MYLK4: variants seen among roughly 807,000 people sequenced by gnomAD.
The protein encoded by MYLK4 is myosin light chain kinase family member 4.
In MYLK4, 46 loss-of-function variants were observed where a neutral mutation model predicts 48.1. The observed-to-expected ratio is 0.96, with a 90% confidence interval of 0.75 to 1.22. The LOEUF is 1.22. Among genes scored for constraint, MYLK4 ranks in the 50% most tolerant of loss-of-function variants. The pLI, the probability that MYLK4 is intolerant of heterozygous loss-of-function variation, is 0.00. For synonymous variants in MYLK4, 170 were observed against 180.8 expected, an observed-to-expected ratio of 0.94 and a Z score of 0.48; for missense variants, 451 against 486.1, an observed-to-expected ratio of 0.93 and a Z score of 0.68.
At chr6:2,669,443 A>G (rs1760794824) in intron 12 of MYLK4, among the ~76,000 whole-genome samples, 1 of 151,976 alleles carries the variant, frequency 6.6e-6, no homozygotes, top group Non-Finnish European at 1.5e-5. Flanking sequence ...CCCCCACCAG[A>G]CCCTGGCAGC....
intron 6 of MYLK4, among the ~76,000 whole-genome samples, chr6:2,683,506 G>A (rs1313928318): frequency 6.0e-5 from 9 of 150,802 alleles, no homozygotes; most frequent in Admixed American, 3.3e-4. Context: ...TGCAATCTCC[G>A]CCTCCCAGAT....
chr6:2,726,629 T>G, intron 2 of MYLK4, among the ~76,000 whole-genome samples: 1 of 57,884 alleles, frequency 1.7e-5, no homozygotes, highest in Admixed American at 1.8e-4. Context: ...TTTTTTTTTT[T>G]GAGACAGAGT....
chr6:2,711,932 A>G (rs1046692575), intron 2 of MYLK4, among the ~76,000 whole-genome samples: 1 of 152,240 alleles, frequency 6.6e-6, no homozygotes, highest in African/African-American at 2.4e-5. Context: ...TATCCTTGAC[A>G]AAAGGTGCTT....
At chr6:2,737,128 C>A (rs1367650393) in intron 2 of MYLK4, among the ~76,000 whole-genome samples, 1 of 152,186 alleles carries the variant, frequency 6.6e-6, no homozygotes, top group African/African-American at 2.4e-5. Context: ...TCCTGGCCAA[C>A]ATGGTGAAAC....
At chr6:2,701,554 A>G (rs900682586) in intron 2 of MYLK4, among the ~76,000 whole-genome samples, 1 of 152,246 alleles carries the variant, frequency 6.6e-6, no homozygotes, top group East Asian at 1.9e-4. Flanking sequence ...GTGACTTTTG[A>G]AAAGCTACCT....
At chr6:2,682,320 A>C (rs1418909830) in intron 7 of MYLK4, among the ~76,000 whole-genome samples, 1 of 152,124 alleles carries the variant, frequency 6.6e-6, no homozygotes, top group East Asian at 1.9e-4. Flanking sequence ...TAGGTCTTTT[A>C]TTGGTTGTAA....
chr6:2,689,015 G>T, intron 3 of MYLK4, 59 bp from the exon 4 acceptor site: 1 of 1,319,294 alleles, frequency 7.6e-7, no homozygotes, highest in Non-Finnish European at 1.1e-6. Context: ...CGTTAAGGCA[G>T]CAAGCCTGGG....
Position 2,673,147 on chromosome 6 carries a change from T to C in MYLK4, c.1120-1799A>G, listed in dbSNP as rs2113088761. On this transcript the variant is annotated intron_variant, in intron 11 of 12. Coordinates refer to ENST00000274643, the MANE Select transcript of MYLK4 (RefSeq NM_001012418.5). This position sits in a 1 kb window ranked among gnomAD's most constrained non-coding sequence, Gnocchi z 4.2. Reference sequence around the variant, plus strand: ...TTTTTAAACTGTACAATGTCATTAATTATCTGCTGTGGTTTCTATACTATC... The same window carrying C: ...TTTTTAAACTGTACAATGTCATTAACTATCTGCTGTGGTTTCTATACTATC... 6.6e-6 allele frequency among the ~76,000 whole-genome samples: 1 copy of C among 152,366 alleles called. No homozygotes were observed. Among genetic ancestry groups the C allele is most frequent in the East Asian group, 1.9e-4 (1 of 5,186 alleles).
At chr6:2,742,343 T>C (rs1389855950) in intron 2 of MYLK4, among the ~76,000 whole-genome samples, 1 of 152,164 alleles carries the variant, frequency 6.6e-6, no homozygotes, top group Non-Finnish European at 1.5e-5. Context: ...AAATAAGGCA[T>C]TTGACCCAGC....
intron 2 of MYLK4, among the ~76,000 whole-genome samples, chr6:2,742,859 A>T (rs993606324): frequency 6.6e-6 from 1 of 152,118 alleles, no homozygotes; most frequent in Non-Finnish European, 1.5e-5. Context: ...CCTAAAACTT[A>T]AAGTATAATA....
chr6:2,704,341 A>G lies in MYLK4; in HGVS notation c.160-11482T>C, dbSNP rs377506099. On this transcript the variant is annotated intron_variant, in intron 2 of 12. Coordinates refer to ENST00000274643, the MANE Select transcript of MYLK4 (RefSeq NM_001012418.5). ...GTACCTACAAGTCCCACGTCCATGC[A>G]GCGCAATCTGTTGTCCTGGACCTCT... Among the ~76,000 whole-genome samples, 7 of 152,320 alleles carry G rather than the reference A, an allele frequency of 4.6e-5. No homozygotes were observed. In the South Asian group the frequency reaches 1.5e-3, roughly 32 times the overall value.
rs931521557 is a variant in MYLK4, at chr6:2,672,822, C to T, written c.1120-1474G>A. 2.6e-5 allele frequency among the ~76,000 whole-genome samples: 4 copies of T among 152,118 alleles called. No individual in the cohort carries two copies. The highest frequency in any genetic ancestry group is 5.9e-5 in the Non-Finnish European group (4 of 68,024). ...GAGAGCAGAGCAGTGAGGCTCTGCC[C>T]GGACTCCAGAGCTCAGCCCTGTCCT... is the stretch of plus-strand genomic sequence containing the variant. On this transcript the variant is annotated intron_variant, in intron 11 of 12. Coordinates refer to ENST00000274643, the MANE Select transcript of MYLK4 (RefSeq NM_001012418.5). The surrounding 1 kb of genome is among the most constrained non-coding windows in gnomAD (Gnocchi z 4.3).
intron 2 of MYLK4, among the ~76,000 whole-genome samples, chr6:2,694,496 G>GATGGTGGTGGTGGCGGCGGTGGCAGTA (rs1761946095): frequency 2.4e-5 from 1 of 41,602 alleles, no homozygotes; most frequent in Non-Finnish European, 5.3e-5. Context: ...TGGTCATGGT[G>GATGGTGGTGGTGGCGGCGGTGGCAGTA]GTGGTGGTGG....
intron 2 of MYLK4, among the ~76,000 whole-genome samples, chr6:2,706,365 GA>G (rs200931340): frequency 6.7e-6 from 1 of 150,312 alleles, no homozygotes; most frequent in East Asian, 1.9e-4. Flanking sequence ...TTTTTTTCCA[GA>G]AAAAAAACCC....
At chr6:2,731,775 C>T (rs564049937) in intron 2 of MYLK4, among the ~76,000 whole-genome samples, 16 of 152,330 alleles carry the variant, frequency 1.1e-4, no homozygotes, top group Admixed American at 2.0e-4. Flanking sequence ...TGAATCAATG[C>T]TATTTTCTGT....
At chr6:2,703,857 G>C (rs1165902584) in intron 2 of MYLK4, among the ~76,000 whole-genome samples, 1 of 151,868 alleles carries the variant, frequency 6.6e-6, no homozygotes, top group African/African-American at 2.4e-5. Flanking sequence ...TTTTAGTAGC[G>C]ATGGGGTTTC....
chr6:2,691,090 A>C (rs993853770), intron 3 of MYLK4, among the ~76,000 whole-genome samples: 3 of 152,132 alleles, frequency 2.0e-5, no homozygotes, highest in African/African-American at 7.2e-5. Flanking sequence ...TCAGCCTCCT[A>C]AAGTGCTGGG....
In MYLK4 at chr6:2,672,797, G is replaced by C. The variant is rs935772116; in HGVS notation, c.1120-1449C>G. On this transcript the variant is annotated intron_variant, in intron 11 of 12. Coordinates refer to ENST00000274643, the MANE Select transcript of MYLK4 (RefSeq NM_001012418.5). This position sits in a 1 kb window ranked among gnomAD's most constrained non-coding sequence, Gnocchi z 4.3. The stretch of plus-strand genomic sequence containing the variant: ...GTACCCAGCAGCCCATCACCGGCAG[G>C]AGAGCAGAGCAGTGAGGCTCTGCCC... 6.6e-6 allele frequency among the ~76,000 whole-genome samples: 1 copy of C among 152,098 alleles called. No individual in the cohort carries two copies. Among genetic ancestry groups the C allele is most frequent in the Non-Finnish European group, 1.5e-5 (1 of 68,024 alleles).
chr6:2,718,163 G>A (rs1480530755), intron 2 of MYLK4, among the ~76,000 whole-genome samples: 3 of 142,638 alleles, frequency 2.1e-5, no homozygotes, highest in Non-Finnish European at 4.5e-5. Flanking sequence ...CTGGTCAACA[G>A]AGTGAAACTC....
Sources: allele counts gnomAD v4.1 joint callset (sites outside exome capture counted in the v4.1 genomes callset), GRCh38; gene constraint gnomAD v4.1.1; non-coding constraint Gnocchi (gnomAD v3.1); transcripts MANE v1.5; gene names NCBI Gene and HGNC (gene_info 2026-07-23, HGNC 2026-07-21).